The following ALMS1 variants were observed in gnomAD, a reference collection of about 807,000 sequenced individuals.
The protein encoded by ALMS1 is ALMS1 centrosome and basal body associated protein, also known as centrosome-associated protein ALMS1.
Under a neutral mutation model 352.2 loss-of-function variants are expected in ALMS1, and 271 were observed. The observed-to-expected ratio is 0.77, with a 90% CI of 0.70 to 0.85. The LOEUF (loss-of-function observed/expected upper bound fraction) is 0.85, where lower values mean the gene tolerates loss of function less well. Ranked by LOEUF, ALMS1 falls within the 40% of genes least tolerant of loss-of-function variation. ALMS1 has a pLI of 0.00. For missense variants in ALMS1, 5,445 were observed against 4,870.7 expected, an observed-to-expected ratio of 1.12 and a Z score of -3.51; for synonymous variants, 1,865 against 1,761.2, an observed-to-expected ratio of 1.06 and a Z score of -1.48.
At chr2:73,530,739 C>T (rs1395136355) in intron 11 of ALMS1, among the ~76,000 whole-genome samples, 1 of 152,232 alleles carries the variant, frequency 6.6e-6, no homozygotes, top group Non-Finnish European at 1.5e-5. Context: ...TCCTGGACAT[C>T]TAGGCATTCA....
Position 73,605,880 on chromosome 2 carries a change from T to C in ALMS1, c.12362+2576T>C, listed in dbSNP as rs76540083. Among the ~76,000 whole-genome samples the C allele has an allele frequency of 3.6e-3, 552 of 152,084 alleles. 1 individual carries two copies. The highest frequency in any genetic ancestry group is 0.012 in the East Asian group (60 of 5,184). On this transcript the variant is annotated intron_variant, in intron 21 of 22. Coordinates refer to ENST00000613296, the MANE Select transcript of ALMS1 (RefSeq NM_001378454.1). ...AAGAAAGAAAAGAAACTATCACTTA[T>C]CAAGTTTGGGTGTAGTATCAAAGAA...
chr2:73,572,472 A>G lies in ALMS1; in HGVS notation c.10595A>G (p.Tyr3532Cys). ...GAACACATGTGTCTTCCTCTTCCTT[A>G]TCAAAACATGGACAAGACTAAGACA... ...HREHMCLPLP[Y>C]QNMDKTKTDY... Residue 3532 changes from tyrosine (Y) to cysteine (C), a missense_variant, in exon 16 of 23, where the codon TAT (tyrosine) becomes TGT (cysteine). By Grantham distance (194) the Tyr-to-Cys change is radical. Transcript: ENST00000613296. The G allele has an allele frequency of 6.2e-7, 1 of 1,613,994 alleles. No homozygotes were observed. Among genetic ancestry groups the G allele is most frequent in the Non-Finnish European group, 8.5e-7 (1 of 1,179,978 alleles).
At chr2:73,395,076 ATATTTTTT>A (rs1186039857) in intron 1 of ALMS1, among the ~76,000 whole-genome samples, 1 of 108,300 alleles carries the variant, frequency 9.2e-6, no homozygotes, top group African/African-American at 4.4e-5. Context: ...ATATATATAT[ATATTTTTT>A]TTTTTTTTTT....
intron 15 of ALMS1, among the ~76,000 whole-genome samples, chr2:73,570,946 C>G (rs529662051): frequency 1.3e-5 from 2 of 152,256 alleles, no homozygotes; most frequent in Admixed American, 6.5e-5. Flanking sequence ...CTACCATTTC[C>G]CAGTAAAATT....
rs1302015247 is a variant in ALMS1, at chr2:73,511,720, A to G, written c.9540-8055A>G. ...TAGGAGTGATTTTACCTCTCAGGGAACATGGGAAATGTCTGAAGACATTTT... is the reference window on the plus strand; with the variant it reads ...TAGGAGTGATTTTACCTCTCAGGGAGCATGGGAAATGTCTGAAGACATTTT... On this transcript the variant is annotated intron_variant, in intron 10 of 22. Coordinates refer to ENST00000613296, the MANE Select transcript of ALMS1 (RefSeq NM_001378454.1). Among the ~76,000 whole-genome samples the G allele has an allele frequency of 5.3e-5, 8 of 152,304 alleles. No homozygotes were observed. In the East Asian group the frequency reaches 1.5e-3, roughly 29 times the overall value.
chr2:73,436,632 G>C (rs1467841627), intron 7 of ALMS1, among the ~76,000 whole-genome samples: 3 of 152,050 alleles, frequency 2.0e-5, no homozygotes, highest in African/African-American at 7.2e-5. Context: ...GATGTTTGCT[G>C]ATTTTTTTCT....
intron 1 of ALMS1, among the ~76,000 whole-genome samples, chr2:73,405,121 C>G (rs899194075): frequency 1.3e-5 from 2 of 151,644 alleles, no homozygotes; most frequent in Non-Finnish European, 2.9e-5. Flanking sequence ...ACCATGTTGC[C>G]CAGGCTGGTC....
chr2:73,498,406 G>C (rs1395340010), intron 10 of ALMS1, among the ~76,000 whole-genome samples: 1 of 152,048 alleles, frequency 6.6e-6, no homozygotes, highest in Non-Finnish European at 1.5e-5. Flanking sequence ...TATCCATTGA[G>C]TTGCAAACAA....
intron 9 of ALMS1, among the ~76,000 whole-genome samples, chr2:73,466,440 C>A (rs1192059982): frequency 7.3e-6 from 1 of 136,152 alleles, no homozygotes; most frequent in Non-Finnish European, 1.5e-5. Context: ...ACAATGAGAA[C>A]ACATGGACAC....
intron 9 of ALMS1, among the ~76,000 whole-genome samples, chr2:73,468,426 A>G (rs1572951616): frequency 1.3e-5 from 2 of 152,056 alleles, no homozygotes; most frequent in Non-Finnish European, 1.5e-5. Flanking sequence ...TTTTAAGTGT[A>G]CAGTTTACTG....
At chr2:73,533,242 G>T (rs1673959095) in intron 11 of ALMS1, among the ~76,000 whole-genome samples, 1 of 152,242 alleles carries the variant, frequency 6.6e-6, no homozygotes, top group South Asian at 2.1e-4. Flanking sequence ...TTACTAGGTT[G>T]CATACGCCCA....
chr2:73,431,338 A>G (rs932709893), intron 6 of ALMS1, among the ~76,000 whole-genome samples: 3 of 152,186 alleles, frequency 2.0e-5, no homozygotes, highest in African/African-American at 7.2e-5. Context: ...TTACTACACA[A>G]TGAAAAATTG....
At chr2:73,532,582 C>T (rs1436129143) in intron 11 of ALMS1, among the ~76,000 whole-genome samples, 5 of 152,068 alleles carry the variant, frequency 3.3e-5, no homozygotes, top group Admixed American at 3.3e-4. Context: ...TCTTTCGTCA[C>T]CTTGGGTGAA....
intron 9 of ALMS1, among the ~76,000 whole-genome samples, chr2:73,468,727 G>T (rs1454071016): frequency 6.6e-6 from 1 of 151,950 alleles, no homozygotes; most frequent in Non-Finnish European, 1.5e-5. Flanking sequence ...TGTAAAGTGA[G>T]TCTGTTGTAG....
chr2:73,573,701 A>G, intron 16 of ALMS1: 2 of 602,724 alleles, frequency 3.3e-6, no homozygotes, highest in Non-Finnish European at 5.9e-6. Flanking sequence ...GGGAGCTTTG[A>G]GGTTAGAATG....
At chr2:73,401,294 T>C (rs1670867020) in intron 1 of ALMS1, among the ~76,000 whole-genome samples, 1 of 152,192 alleles carries the variant, frequency 6.6e-6, no homozygotes, top group African/African-American at 2.4e-5. Context: ...TATTCTTCTT[T>C]TTCTAGTTTC....
At chr2:73,545,171 A>T (rs1170818766) in intron 12 of ALMS1, among the ~76,000 whole-genome samples, 1 of 148,972 alleles carries the variant, frequency 6.7e-6, no homozygotes, top group East Asian at 2.0e-4. Context: ...AAAATGATTA[A>T]TTTTTTGTGG....
chr2:73,493,998 G>A (rs1673050054), intron 10 of ALMS1, among the ~76,000 whole-genome samples: 1 of 152,208 alleles, frequency 6.6e-6, no homozygotes, highest in Non-Finnish European at 1.5e-5. Context: ...GGTATTGGCT[G>A]CAAATGTGGT....
At position 73,602,971 on chromosome 2, in the gene ALMS1, C is replaced by G. The variant is rs17848869; in HGVS notation, c.12299-270C>G. On this transcript the variant is annotated intron_variant, in intron 20 of 22. Transcript: ENST00000613296. Reference sequence around the variant, plus strand: ...TGAAAGCTGTGAAAACTACAAAGCACTACCTAATTCTTTTATCCAACTTTA... The same window carrying G: ...TGAAAGCTGTGAAAACTACAAAGCAGTACCTAATTCTTTTATCCAACTTTA... Among the ~76,000 whole-genome samples the G allele has an allele frequency of 2.5e-4, 38 of 152,310 alleles. No homozygotes were observed. In the East Asian group the frequency reaches 6.6e-3, roughly 26 times the overall value.
Sources: allele counts gnomAD v4.1 joint callset (sites outside exome capture counted in the v4.1 genomes callset), GRCh38; gene constraint gnomAD v4.1.1; transcripts MANE v1.5; gene names NCBI Gene and HGNC (gene_info 2026-07-23, HGNC 2026-07-21).